ITGBL1: variants seen among roughly 807,000 people sequenced by gnomAD.
ITGBL1 encodes integrin beta-like protein 1.
In ITGBL1, 51 loss-of-function variants were observed where a neutral mutation model predicts 68.5. That is an observed-to-expected ratio of 0.74 (90% CI 0.59 to 0.94). The LOEUF (loss-of-function observed/expected upper bound fraction) is 0.94, where lower values mean the gene tolerates loss of function less well. Ranked by LOEUF, ITGBL1 falls within the 40% of genes least tolerant of loss-of-function variation. ITGBL1 has a pLI of 0.00. For missense variants in ITGBL1, 649 were observed against 647.4 expected (o/e 1.00, Z -0.03); for synonymous variants, 209 against 227.3 (o/e 0.92, Z 0.72).
rs528490465 is a variant in ITGBL1 at position 101,541,971 on chromosome 13, A to G, written c.317-25728A>G. 4.6e-5 allele frequency among the ~76,000 whole-genome samples: 7 copies of G among 152,028 alleles called. No homozygotes were observed. The East Asian group carries it at 9.6e-4, about 21-fold the overall frequency. ...TTTCTTCTTTATTAGTCTTGTTAGC[A>G]GTCTATCAATTTTGTTGATCTTTTC... On this transcript the variant is annotated intron_variant, in intron 2 of 10. Transcript: ENST00000376180.
intron 2 of ITGBL1, among the ~76,000 whole-genome samples, chr13:101,556,931 G>A (rs755741489): frequency 6.6e-6 from 1 of 152,144 alleles, no homozygotes; most frequent in Non-Finnish European, 1.5e-5. Flanking sequence ...GCAGTTCTTA[G>A]GAAACTAATA....
chr13:101,609,116 G>A lies in ITGBL1; in HGVS notation c.1015+10817G>A, dbSNP rs566579353. Among the ~76,000 whole-genome samples the A allele has an allele frequency of 4.1e-3, 630 of 152,148 alleles. 2 individuals are homozygous for A. Among genetic ancestry groups the A allele is most frequent in the African/African-American group, 0.015 (609 of 41,530 alleles). On this transcript the variant is annotated intron_variant, in intron 7 of 10. Transcript: ENST00000376180. ...ATAGCCCATAATAGTAATATTATAT[G>A]TAGAAATAGAAGAGCCTGTTTATCA...
intron 6 of ITGBL1, among the ~76,000 whole-genome samples, chr13:101,587,795 A>G (rs2050582465): frequency 2.0e-5 from 3 of 152,222 alleles, no homozygotes. Context: ...GATTAAGTAT[A>G]TCCAGACCAC....
downstream of ITGBL1, chr13:101,718,867 G>A (rs1028919536): frequency 6.6e-6 from 1 of 151,686 alleles, no homozygotes; most frequent in African/African-American, 2.4e-5. Flanking sequence ...ATATTCAAGA[G>A]AGTCAACAGG....
intron 6 of ITGBL1, among the ~76,000 whole-genome samples, chr13:101,591,631 C>T (rs930390271): frequency 3.5e-4 from 53 of 152,100 alleles, no homozygotes; most frequent in Middle Eastern, 3.4e-3. Flanking sequence ...GATGGAACCG[C>T]AAACCTCAAG....
At chr13:101,699,352 A>G (rs1024782845) in intron 8 of ITGBL1, among the ~76,000 whole-genome samples, 1 of 152,110 alleles carries the variant, frequency 6.6e-6, no homozygotes, top group Non-Finnish European at 1.5e-5. Flanking sequence ...CCCTTCCAGT[A>G]TGACGTTTAT....
intron 7 of ITGBL1, among the ~76,000 whole-genome samples, chr13:101,644,999 A>G (rs2032512304): frequency 1.3e-5 from 2 of 152,198 alleles, no homozygotes; most frequent in South Asian, 4.1e-4. Context: ...AAATTGGAGA[A>G]TTGCATTACT....
chr13:101,532,345 A>G (rs1023480415), intron 2 of ITGBL1, among the ~76,000 whole-genome samples: 3 of 152,212 alleles, frequency 2.0e-5, no homozygotes, highest in Non-Finnish European at 4.4e-5. Flanking sequence ...TTCACTGCAA[A>G]TTGAAAATCA....
intron 7 of ITGBL1, among the ~76,000 whole-genome samples, chr13:101,657,743 A>G (rs2032972051): frequency 6.6e-6 from 1 of 152,236 alleles, no homozygotes; most frequent in African/African-American, 2.4e-5. Flanking sequence ...CATGTTCCGT[A>G]AAATACCTAG....
At chr13:101,693,500 T>C (rs2033928079) in intron 8 of ITGBL1, among the ~76,000 whole-genome samples, 3 of 152,166 alleles carry the variant, frequency 2.0e-5, no homozygotes, top group Admixed American at 2.0e-4. Context: ...GCTTGTTACA[T>C]ATGTCTTATT....
At chr13:101,592,649 A>G (rs1468306203) in intron 6 of ITGBL1, among the ~76,000 whole-genome samples, 1 of 152,118 alleles carries the variant, frequency 6.6e-6, no homozygotes, top group Non-Finnish European at 1.5e-5. Context: ...CTGATTTTCA[A>G]CAAAAGTGCT....
At chr13:101,686,385 T>C (rs180898684) in intron 7 of ITGBL1, among the ~76,000 whole-genome samples, 12 of 152,312 alleles carry the variant, frequency 7.9e-5, no homozygotes, top group Non-Finnish European at 1.3e-4. Flanking sequence ...GAGATAATTT[T>C]TGAAGGCAGT....
rs375919314 is a variant in ITGBL1 at position 101,454,022 on chromosome 13, G to C, written c.238G>C (p.Glu80Gln). ...DCGVCICHVT[E>Q]PGMFFGPLCE... ...CGGCGTCTGCATCTGCCACGTGACT[G>C]AGCCGGGCATGTTCTTCGGGCCCCT... The change falls in exon 2 of 11, where the codon GAG becomes CAG. Residue 80 changes from glutamate to glutamine, a missense_variant. By Grantham distance (29) the Glu-to-Gln change is conservative. Coordinates refer to ENST00000376180, the MANE Select transcript of ITGBL1 (RefSeq NM_004791.3). 8 of 1,585,704 alleles carry C rather than the reference G, an allele frequency of 5.0e-6. No homozygotes were observed. In the African/African-American group the frequency reaches 6.8e-5, roughly 13 times the overall value.
chr13:101,648,940 TTG>T (rs2032657107), intron 7 of ITGBL1, among the ~76,000 whole-genome samples: 1 of 151,810 alleles, frequency 6.6e-6, no homozygotes, highest in Non-Finnish European at 1.5e-5. Context: ...AATTCATGAT[TTG>T]TGCATTTCTC....
At chr13:101,555,255 A>G (rs1029649114) in intron 2 of ITGBL1, among the ~76,000 whole-genome samples, 2 of 152,230 alleles carry the variant, frequency 1.3e-5, no homozygotes, top group African/African-American at 4.8e-5. Context: ...ACATACATGC[A>G]TATTCATTTA....
At chr13:101,491,733 G>A (rs558021913) in intron 2 of ITGBL1, among the ~76,000 whole-genome samples, 2 of 151,986 alleles carry the variant, frequency 1.3e-5, no homozygotes, top group South Asian at 2.1e-4. Flanking sequence ...CCATTAACTC[G>A]TCATCTGCGT....
At chr13:101,691,942 T>C (rs2033890845) in intron 7 of ITGBL1, among the ~76,000 whole-genome samples, 1 of 152,184 alleles carries the variant, frequency 6.6e-6, no homozygotes, top group African/African-American at 2.4e-5. Flanking sequence ...ATGATGAAAG[T>C]CAGCATAATG....
At chr13:101,607,273 A>T (rs1308569471) in intron 7 of ITGBL1, among the ~76,000 whole-genome samples, 1 of 152,092 alleles carries the variant, frequency 6.6e-6, no homozygotes, top group Non-Finnish European at 1.5e-5. Context: ...GCCATTTTAC[A>T]TAATTGCAAT....
chr13:101,692,405 TTTC>T (rs1464901753), intron 7 of ITGBL1, among the ~76,000 whole-genome samples, 177 bp from the exon 8 acceptor site: 3 of 152,202 alleles, frequency 2.0e-5, no homozygotes, highest in Admixed American at 2.0e-4. Flanking sequence ...CACCACGGAA[TTTC>T]TTCTTGAACT....
Sources: gnomAD v4.1 joint callset for allele counts (sites outside exome capture counted in the v4.1 genomes callset) on GRCh38, gnomAD v4.1.1 for gene constraint, MANE v1.5 for transcripts, NCBI Gene and HGNC (gene_info 2026-07-23, HGNC 2026-07-21) for gene names.